The following TNFSF4 variants were observed in gnomAD, a reference collection of about 807,000 sequenced individuals.
The protein encoded by TNFSF4 is tumor necrosis factor ligand superfamily member 4.
TNFSF4 carries 4 observed loss-of-function variants against 7.3 expected under a neutral mutation model. That is an observed-to-expected ratio of 0.55 (90% CI 0.27 to 1.25). The LOEUF (loss-of-function observed/expected upper bound fraction) is 1.25. Among genes scored for constraint, TNFSF4 ranks in the 50% most tolerant of loss-of-function variants. The pLI, the probability that TNFSF4 is intolerant of heterozygous loss-of-function variation, is 0.12. For missense variants in TNFSF4, 181 were observed against 208.8 expected (o/e 0.87, Z 0.82); for synonymous variants, 76 against 83.7 (o/e 0.91, Z 0.50).
At chr1:173,298,290 T>TA in the TNFSF4 span, among the ~76,000 whole-genome samples, 166 of 151,994 alleles carry the variant, frequency 1.1e-3, no homozygotes, top group Admixed American at 2.0e-3. Context: ...CTCTCAGTAA[T>TA]ATGATTGCTG....
the TNFSF4 span, among the ~76,000 whole-genome samples, chr1:173,327,037 A>C: frequency 6.6e-6 from 1 of 152,244 alleles, no homozygotes; most frequent in East Asian, 1.9e-4. Context: ...ATATGGAACC[A>C]AAAAAGAGCC....
At chr1:173,365,415 T>A in the TNFSF4 span, among the ~76,000 whole-genome samples, 3 of 152,218 alleles carry the variant, frequency 2.0e-5, no homozygotes, top group Admixed American at 2.0e-4. Context: ...AATTTCATTA[T>A]TGTTAATGAC....
At chr1:173,360,115 G>A in the TNFSF4 span, among the ~76,000 whole-genome samples, 15 of 152,300 alleles carry the variant, frequency 9.8e-5, no homozygotes, top group East Asian at 2.1e-3. Flanking sequence ...CCAACTAGCC[G>A]GCTGATAACA....
chr1:173,346,012 C>T, the TNFSF4 span, among the ~76,000 whole-genome samples: 70 of 152,196 alleles, frequency 4.6e-4, no homozygotes, highest in Admixed American at 2.0e-3. Flanking sequence ...GAGGATTTAA[C>T]GAGAGGGCTG....
the TNFSF4 span, among the ~76,000 whole-genome samples, chr1:173,250,467 T>TA: frequency 6.6e-6 from 1 of 150,676 alleles, no homozygotes; most frequent in Non-Finnish European, 1.5e-5. Context: ...TTTTTTGTTT[T>TA]TTTTTTTTTT....
chr1:173,440,971 C>G, the TNFSF4 span, among the ~76,000 whole-genome samples: 7 of 152,180 alleles, frequency 4.6e-5, no homozygotes, highest in Admixed American at 4.6e-4. Flanking sequence ...TTTAAAATCC[C>G]AGTAGAAAAT....
At chr1:173,274,893 C>A in the TNFSF4 span, among the ~76,000 whole-genome samples, 5 of 152,064 alleles carry the variant, frequency 3.3e-5, no homozygotes, top group Admixed American at 6.6e-5. Flanking sequence ...GCATGTCTCA[C>A]TAAAATCAAG....
intron 1 of TNFSF4, among the ~76,000 whole-genome samples, chr1:173,204,817 CTA>C (rs1650106513): frequency 6.6e-6 from 1 of 152,032 alleles, no homozygotes; most frequent in African/African-American, 2.4e-5. Flanking sequence ...GGCTACTAGT[CTA>C]TGTCTCTTTG....
the TNFSF4 span, among the ~76,000 whole-genome samples, chr1:173,446,616 G>A: frequency 2.0e-5 from 3 of 152,172 alleles, no homozygotes; most frequent in South Asian, 2.1e-4. Context: ...CTCAATCTGG[G>A]TGGGCACCAT....
chr1:173,296,656 G>A, the TNFSF4 span, among the ~76,000 whole-genome samples: 1 of 151,942 alleles, frequency 6.6e-6, no homozygotes, highest in South Asian at 2.1e-4. Flanking sequence ...GATCTTGACA[G>A]CCATAGATAC....
chr1:173,328,687 AAAAAAT>A, the TNFSF4 span, among the ~76,000 whole-genome samples: 1 of 152,084 alleles, frequency 6.6e-6, no homozygotes, highest in Non-Finnish European at 1.5e-5. Context: ...TAAAATTTTA[AAAAAAT>A]AAAAATAAAT....
At chr1:173,340,441 C>T in the TNFSF4 span, among the ~76,000 whole-genome samples, 3 of 150,250 alleles carry the variant, frequency 2.0e-5, no homozygotes, top group African/African-American at 4.9e-5. Context: ...ATAGCAGGAG[C>T]AAAATGCAGG....
chr1:173,303,691 C>T, the TNFSF4 span, among the ~76,000 whole-genome samples: 2,226 of 151,952 alleles, frequency 0.015, 66 homozygotes, highest in African/African-American at 0.049. Context: ...TCTCATAAAC[C>T]TTTCCCCAGA....
chr1:173,391,192 C>G, the TNFSF4 span, among the ~76,000 whole-genome samples: 1 of 151,778 alleles, frequency 6.6e-6, no homozygotes, highest in Admixed American at 6.6e-5. Flanking sequence ...ATCATGCCAT[C>G]AGCACATTCT....
the TNFSF4 span, among the ~76,000 whole-genome samples, chr1:173,436,397 T>C: frequency 6.6e-6 from 1 of 152,156 alleles, no homozygotes; most frequent in East Asian, 1.9e-4. Flanking sequence ...AGTCATTAAG[T>C]GAGGGCTACC....
rs147564795 is a variant in TNFSF4, at chr1:173,185,395, C to G, written c.*1121G>C. On this transcript the variant is annotated 3_prime_UTR_variant, in exon 3 of 3. Transcript: ENST00000281834. ...GCCCTGGCATAGGCTGATTATAGAC[C>G]CTTCTAGTTTCAATTATCAATGTGA... The G allele has an allele frequency of 6.6e-6, 1 of 152,168 alleles. No homozygotes were observed. The highest frequency in any genetic ancestry group is 1.9e-4 in the East Asian group (1 of 5,184). The allele number at this position is 152,168 out of a possible 1,614,324, so 9.4% of individuals were successfully genotyped here.
At chr1:173,401,511 C>T in the TNFSF4 span, among the ~76,000 whole-genome samples, 1 of 151,962 alleles carries the variant, frequency 6.6e-6, no homozygotes, top group African/African-American at 2.4e-5. Context: ...CATGAAAAAA[C>T]CTAAAGGTGG....
chr1:173,333,280 C>T, the TNFSF4 span, among the ~76,000 whole-genome samples: 1 of 151,310 alleles, frequency 6.6e-6, no homozygotes, highest in African/African-American at 2.4e-5. Flanking sequence ...AAGCAAATTG[C>T]CCTCCCTAAT....
the TNFSF4 span, among the ~76,000 whole-genome samples, chr1:173,389,845 A>G: frequency 1.3e-5 from 2 of 152,076 alleles, no homozygotes; most frequent in Non-Finnish European, 2.9e-5. Flanking sequence ...GTTCTATTTG[A>G]TTCTTTTTTC....
Sources: gnomAD v4.1 joint callset for allele counts (sites outside exome capture counted in the v4.1 genomes callset) on GRCh38, gnomAD v4.1.1 for gene constraint, MANE v1.5 for transcripts, NCBI Gene and HGNC (gene_info 2026-07-23, HGNC 2026-07-21) for gene names.